NELL2: variants seen among roughly 807,000 people sequenced by gnomAD.
NELL2 encodes protein kinase C-binding protein NELL2.
A neutral mutation model predicts 109.6 loss-of-function variants in NELL2; 41 were observed. The observed-to-expected ratio is 0.37, with a 90% CI of 0.29 to 0.49. NELL2 has a LOEUF of 0.49. Ranked by LOEUF, NELL2 falls within the 20% of genes least tolerant of loss-of-function variation. The probability of loss-of-function intolerance (pLI) is 0.98; values close to 1 mark genes in which losing one functional copy is unlikely to be tolerated. For missense variants in NELL2, 900 were observed against 1,008.3 expected (o/e 0.89, Z 1.45); for synonymous variants, 355 against 344.7 (o/e 1.03, Z -0.33).
chr12:44,914,887 T>C (rs1945815758), upstream of NELL2, among the ~76,000 whole-genome samples: 1 of 151,972 alleles, frequency 6.6e-6, no homozygotes, highest in African/African-American at 2.4e-5. Context: ...TCTCCATCTG[T>C]CGCCCAGGCT....
In NELL2 at chr12:44,760,855, C is replaced by T. The variant is rs181470379; in HGVS notation, c.994+13892G>A. On this transcript the variant is annotated intron_variant, in intron 9 of 19. Transcript: ENST00000429094. Reference sequence around the variant, plus strand: ...CAGGGCCTTTTAAAGCATGACAACACTGAAGGCAGAACTATTAGGAAAAGA... The same window carrying T: ...CAGGGCCTTTTAAAGCATGACAACATTGAAGGCAGAACTATTAGGAAAAGA... 9.3e-4 allele frequency among the ~76,000 whole-genome samples: 142 copies of T among 152,100 alleles called. 2 individuals carry two copies. Among genetic ancestry groups the T allele is most frequent in the Admixed American group, 7.2e-4 (11 of 15,270 alleles).
upstream of NELL2, among the ~76,000 whole-genome samples, chr12:44,917,532 C>A (rs1363758513): frequency 6.6e-6 from 1 of 152,198 alleles, no homozygotes; most frequent in Non-Finnish European, 1.5e-5. Flanking sequence ...AGGGTGGGCC[C>A]ATGATTCCCA....
At chr12:44,788,822 G>C (rs370778352) in intron 3 of NELL2, among the ~76,000 whole-genome samples, 1 of 152,124 alleles carries the variant, frequency 6.6e-6, no homozygotes, top group Non-Finnish European at 1.5e-5. Flanking sequence ...GTTGGGGCAG[G>C]GCACAGGGGG....
chr12:44,820,063 G>A (rs1419106198), intron 2 of NELL2, among the ~76,000 whole-genome samples: 3 of 152,108 alleles, frequency 2.0e-5, no homozygotes, highest in Non-Finnish European at 4.4e-5. Context: ...TAAGTTTCCT[G>A]AATGTGACAC....
At chr12:44,629,133 A>C (rs1566047843) in intron 13 of NELL2, among the ~76,000 whole-genome samples, 1 of 152,190 alleles carries the variant, frequency 6.6e-6, no homozygotes, top group Non-Finnish European at 1.5e-5. Context: ...ATGGGTGAGA[A>C]TCATTTCAAT....
intron 12 of NELL2, among the ~76,000 whole-genome samples, chr12:44,666,182 A>G (rs1474217115): frequency 6.6e-6 from 1 of 152,228 alleles, no homozygotes; most frequent in Non-Finnish European, 1.5e-5. Context: ...GAGAAGTTAC[A>G]AAATAGTAAA....
In NELL2 at chr12:44,875,333, G is replaced by A. The variant is rs1409231821; in HGVS notation, c.76C>T (p.Pro26Ser). 1.2e-6 allele frequency: 2 copies of A among 1,614,010 alleles called. No individual in the cohort carries two copies. Among genetic ancestry groups the A allele is most frequent in the Non-Finnish European group, 1.7e-6 (2 of 1,180,038 alleles). The change falls in exon 2 of 20, where the codon CCT becomes TCT. Residue 26 changes from proline to serine, a missense_variant. By Grantham distance (74) the Pro-to-Ser change is moderately conservative (BLOSUM62 -1). Transcript: ENST00000429094. ...GTTAAGACGTCAATCTGTAGGGAAG[G>A]GTCCACACCAAGCCCCCAAACTGGT... ...LGAVWGLGVDPSLQIDVLTEL... is the reference protein window; with the variant it reads ...LGAVWGLGVDSSLQIDVLTEL...
intron 12 of NELL2, among the ~76,000 whole-genome samples, chr12:44,679,322 A>C (rs907771180): frequency 6.6e-6 from 1 of 152,118 alleles, no homozygotes; most frequent in Non-Finnish European, 1.5e-5. Flanking sequence ...GAACTGGTAG[A>C]GTCAAAGGCT....
chr12:44,816,187 A>G (rs757936680), intron 2 of NELL2, 51 bp from the exon 3 acceptor site: 3 of 1,463,604 alleles, frequency 2.0e-6, no homozygotes, highest in East Asian at 4.7e-5. Flanking sequence ...GATTTTATGA[A>G]GTATCTTTTA....
chr12:44,707,388 C>A (rs569994937), intron 11 of NELL2, among the ~76,000 whole-genome samples: 1 of 152,058 alleles, frequency 6.6e-6, no homozygotes, highest in South Asian at 2.1e-4. Flanking sequence ...GAGAACACAT[C>A]GAGCCTCAAA....
intron 13 of NELL2, among the ~76,000 whole-genome samples, chr12:44,630,706 A>G (rs1459486930): frequency 6.6e-6 from 1 of 152,148 alleles, no homozygotes; most frequent in African/African-American, 2.4e-5. Context: ...AAAACACATC[A>G]AGAGAACAGT....
chr12:44,703,609 TAAATTCACTGCTTTTA>T, intron 12 of NELL2, 101 bp downstream of exon 12: 3 of 1,083,918 alleles, frequency 2.8e-6, no homozygotes, highest in Non-Finnish European at 4.1e-6. Context: ...TGCTTCAAAT[TAAATTCACTGCTTTTA>T]ATGGGCCCAT....
intron 1 of NELL2, among the ~76,000 whole-genome samples, chr12:44,909,786 C>G (rs1945759246): frequency 6.7e-6 from 1 of 149,120 alleles, no homozygotes; most frequent in Non-Finnish European, 1.5e-5. Flanking sequence ...TACACACACA[C>G]AGCAATGGAA....
At chr12:44,667,763 C>A (rs1021579950) in intron 12 of NELL2, among the ~76,000 whole-genome samples, 1 of 152,160 alleles carries the variant, frequency 6.6e-6, no homozygotes, top group Admixed American at 6.5e-5. Context: ...GCAGTTGGCC[C>A]AGGCAAGATC....
At chr12:44,755,911 A>G (rs1481526667) in intron 9 of NELL2, among the ~76,000 whole-genome samples, 3 of 152,212 alleles carry the variant, frequency 2.0e-5, no homozygotes, top group Non-Finnish European at 2.9e-5. Flanking sequence ...GTAAAAGGTT[A>G]GGGACAAATT....
intron 1 of NELL2, among the ~76,000 whole-genome samples, chr12:44,885,001 G>A (rs1945454341): frequency 6.6e-6 from 1 of 152,012 alleles, no homozygotes; most frequent in African/African-American, 2.4e-5. Context: ...TAAAACAGCT[G>A]GGTGTGGTGG....
At chr12:44,840,042 C>T (rs750046312) in intron 2 of NELL2, among the ~76,000 whole-genome samples, 5 of 152,210 alleles carry the variant, frequency 3.3e-5, no homozygotes, top group South Asian at 2.1e-4. Flanking sequence ...CCAAACCACT[C>T]GCAAGCCTCC....
intron 9 of NELL2, among the ~76,000 whole-genome samples, chr12:44,734,894 A>G (rs919185019): frequency 6.6e-6 from 1 of 151,818 alleles, no homozygotes; most frequent in Non-Finnish European, 1.5e-5. Flanking sequence ...ATTTTTCTTT[A>G]TTTCATTCTT....
Position 44,777,240 on chromosome 12 carries a change from A to C in NELL2, c.679+2T>G. On this transcript the variant is annotated splice_donor_variant, in intron 6 of 19. Coordinates refer to ENST00000429094, the MANE Select transcript of NELL2 (RefSeq NM_001145108.2). LOFTEE classifies it high-confidence loss of function. ...CCACAGTGCAAGAACTAATAGACTTACTGCGATTAAGATCTGGGCACTGAG... is the reference window on the plus strand; with the variant it reads ...CCACAGTGCAAGAACTAATAGACTTCCTGCGATTAAGATCTGGGCACTGAG... 1 of 1,613,284 alleles carries C rather than the reference A, an allele frequency of 6.2e-7. No homozygotes were observed.
Sources: gnomAD v4.1 joint callset for allele counts (sites outside exome capture counted in the v4.1 genomes callset) on GRCh38, gnomAD v4.1.1 for gene constraint, MANE v1.5 for transcripts, NCBI Gene and HGNC (gene_info 2026-07-23, HGNC 2026-07-21) for gene names.